The following RANBP2 variants were observed in gnomAD, a reference collection of about 807,000 sequenced individuals.
RANBP2 encodes E3 SUMO-protein ligase RanBP2.
In RANBP2, 57 loss-of-function variants were observed where a neutral mutation model predicts 303.6. That is an observed-to-expected ratio of 0.19 (90% confidence interval 0.15 to 0.23). The LOEUF (loss-of-function observed/expected upper bound fraction) is 0.23. Ranked by LOEUF, RANBP2 falls within the 10% of genes least tolerant of loss-of-function variation. The pLI is 1.00. For missense variants in RANBP2, 3,138 were observed against 3,780.8 expected (o/e 0.83, Z 4.46); for synonymous variants, 1,167 against 1,301.5 (o/e 0.90, Z 2.23).
At chr2:108,893,704 T>A in the RANBP2 span, among the ~76,000 whole-genome samples, 1 of 152,034 alleles carries the variant, frequency 6.6e-6, no homozygotes, top group African/African-American at 2.4e-5. Flanking sequence ...AACGAAAACC[T>A]TGCACAAAGG....
the RANBP2 span, among the ~76,000 whole-genome samples, chr2:109,519,450 T>A: frequency 6.6e-6 from 1 of 152,186 alleles, no homozygotes; most frequent in Non-Finnish European, 1.5e-5. Context: ...TGCCCAAACT[T>A]GTAGTTCTAG....
the RANBP2 span, among the ~76,000 whole-genome samples, chr2:109,155,888 A>G: frequency 6.6e-6 from 1 of 152,198 alleles, no homozygotes; most frequent in African/African-American, 2.4e-5. Context: ...TCTTTCCAAG[A>G]TGGTCATATG....
the RANBP2 span, among the ~76,000 whole-genome samples, chr2:109,214,354 G>GGGCAGCAGGAGGCCGGGGC: frequency 6.6e-6 from 1 of 152,124 alleles, no homozygotes; most frequent in Non-Finnish European, 1.5e-5. Context: ...GGGGCTGTGG[G>GGGCAGCAGGAGGCCGGGGC]GGCAGCAGGA....
chr2:109,495,445 A>G, the RANBP2 span, among the ~76,000 whole-genome samples: 1 of 136,826 alleles, frequency 7.3e-6, no homozygotes, highest in African/African-American at 2.8e-5. Flanking sequence ...TGGGCCACCT[A>G]CCGGCCATTT....
the RANBP2 span, among the ~76,000 whole-genome samples, chr2:108,867,397 GA>G: frequency 6.6e-6 from 1 of 152,154 alleles, no homozygotes; most frequent in Admixed American, 6.5e-5. Context: ...ATTCTCTCAG[GA>G]ATGAGAAGTA....
the RANBP2 span, among the ~76,000 whole-genome samples, chr2:108,972,457 C>T: frequency 6.6e-6 from 1 of 152,250 alleles, no homozygotes; most frequent in Admixed American, 6.5e-5. Context: ...ACGTGCCAGA[C>T]ACTGCCCTTT....
At chr2:109,340,182 T>G in the RANBP2 span, among the ~76,000 whole-genome samples, 1 of 152,194 alleles carries the variant, frequency 6.6e-6, no homozygotes, top group Non-Finnish European at 1.5e-5. Flanking sequence ...TCAGACCACC[T>G]GGATCCAGTC....
At chr2:109,400,109 A>C in the RANBP2 span, among the ~76,000 whole-genome samples, 3 of 152,238 alleles carry the variant, frequency 2.0e-5, no homozygotes, top group Admixed American at 2.0e-4. Flanking sequence ...ATGAACTCAG[A>C]CAACTTTACA....
the RANBP2 span, among the ~76,000 whole-genome samples, chr2:109,122,310 TAGAA>T: frequency 6.6e-6 from 1 of 152,104 alleles, no homozygotes; most frequent in South Asian, 2.1e-4. Flanking sequence ...GAAAGGGACT[TAGAA>T]AGGAAGTGCC....
chr2:109,365,465 A>T, the RANBP2 span, among the ~76,000 whole-genome samples: 1 of 152,180 alleles, frequency 6.6e-6, no homozygotes, highest in Non-Finnish European at 1.5e-5. Context: ...CTGTGACCTC[A>T]GTTCTCTTAC....
chr2:108,793,205 T>A, the RANBP2 span, among the ~76,000 whole-genome samples: 5 of 145,504 alleles, frequency 3.4e-5, no homozygotes, highest in East Asian at 2.0e-4. Context: ...AAAAAAAAAA[T>A]AACAAAAAAA....
chr2:109,286,601 A>T, the RANBP2 span, among the ~76,000 whole-genome samples: 1 of 152,186 alleles, frequency 6.6e-6, no homozygotes, highest in South Asian at 2.1e-4. Context: ...GGATTGGCAC[A>T]TGGTGAGGGG....
the RANBP2 span, among the ~76,000 whole-genome samples, chr2:109,384,443 G>T: frequency 2.0e-5 from 3 of 152,116 alleles, no homozygotes; most frequent in Admixed American, 1.3e-4. Flanking sequence ...TCCAGGGGTG[G>T]CCTGAGCTGG....
downstream of RANBP2, chr2:108,786,749 C>G (rs1426171662): frequency 6.6e-6 from 9 of 1,368,340 alleles, no homozygotes; most frequent in Non-Finnish European, 3.1e-6. Context: ...CACGTCGTGA[C>G]GCACTGCGGC....
chr2:109,042,509 C>A, the RANBP2 span, among the ~76,000 whole-genome samples: 1,066 of 152,178 alleles, frequency 7.0e-3, 15 homozygotes, highest in African/African-American at 0.025. Context: ...TCTCTCTAAC[C>A]CCGAGAGGCT....
chr2:108,728,262 T>C (rs1042915493), intron 1 of RANBP2, among the ~76,000 whole-genome samples: 8 of 152,190 alleles, frequency 5.3e-5, no homozygotes, highest in African/African-American at 7.2e-5. Flanking sequence ...GTTGTCTGCT[T>C]GTCTTACTTT....
At chr2:109,637,128 A>G in the RANBP2 span, among the ~76,000 whole-genome samples, 19 of 152,330 alleles carry the variant, frequency 1.2e-4, no homozygotes, top group East Asian at 2.9e-3. Context: ...GTCATAATTA[A>G]GTTCAAGGGA....
the RANBP2 span, among the ~76,000 whole-genome samples, chr2:109,099,744 C>T: frequency 6.6e-6 from 1 of 152,132 alleles, no homozygotes; most frequent in African/African-American, 2.4e-5. Context: ...CAGGAGTCCA[C>T]ATCGTTTTTG....
chr2:109,535,994 T>C, the RANBP2 span, among the ~76,000 whole-genome samples: 1 of 142,864 alleles, frequency 7.0e-6, no homozygotes, highest in Non-Finnish European at 1.5e-5. Context: ...TCTGCCTAGA[T>C]TTCAGATGTA....
Sources: allele counts gnomAD v4.1 joint callset (sites outside exome capture counted in the v4.1 genomes callset), GRCh38; gene constraint gnomAD v4.1.1; transcripts MANE v1.5; gene names NCBI Gene and HGNC (gene_info 2026-07-23, HGNC 2026-07-21).